Variants in LHFPL3 observed in about 807,000 individuals in gnomAD.
The protein encoded by LHFPL3 is LHFPL tetraspan subfamily member 3 protein.
LHFPL3 carries 5 observed loss-of-function variants against 19.3 expected under a neutral mutation model. The observed-to-expected ratio is 0.26, with a 90% CI of 0.14 to 0.54. The LOEUF is 0.54. LHFPL3 is among the 20% of genes least tolerant of loss of function. The probability of loss-of-function intolerance (pLI) is 0.94; values close to 1 mark genes in which losing one functional copy is unlikely to be tolerated. For missense variants in LHFPL3, 249 were observed against 307.4 expected, an observed-to-expected ratio of 0.81 and a Z score of 1.42; for synonymous variants, 133 against 126.2, an observed-to-expected ratio of 1.05 and a Z score of -0.36.
intron 1 of LHFPL3, among the ~76,000 whole-genome samples, chr7:104,355,015 T>C (rs897600821): frequency 2.0e-5 from 3 of 152,198 alleles, no homozygotes; most frequent in South Asian, 2.1e-4. Flanking sequence ...AGTGGTCAAA[T>C]TGAAATATAG....
At chr7:104,598,240 T>C (rs758737561) in intron 1 of LHFPL3, among the ~76,000 whole-genome samples, 1 of 152,154 alleles carries the variant, frequency 6.6e-6, no homozygotes, top group African/African-American at 2.4e-5. Flanking sequence ...GATATCTCGA[T>C]TGGTTCAGTT....
intron 1 of LHFPL3, among the ~76,000 whole-genome samples, chr7:104,496,795 G>C (rs560431944): frequency 6.6e-6 from 1 of 152,296 alleles, no homozygotes; most frequent in African/African-American, 2.4e-5. Flanking sequence ...ATCACTACCA[G>C]ATGTTAGGAG....
chr7:104,852,085 G>A (rs1167242746), intron 2 of LHFPL3, among the ~76,000 whole-genome samples: 1 of 151,832 alleles, frequency 6.6e-6, no homozygotes. Flanking sequence ...ATCCTGGAAA[G>A]CAGATACCCC....
At chr7:104,643,011 A>C (rs1791865111) in intron 1 of LHFPL3, among the ~76,000 whole-genome samples, 1 of 152,224 alleles carries the variant, frequency 6.6e-6, no homozygotes, top group South Asian at 2.1e-4. Context: ...TATTTGGCCA[A>C]GAATTTTTAA....
intron 1 of LHFPL3, among the ~76,000 whole-genome samples, chr7:104,532,318 C>CTTTTTTTTTTTTTTTTTTTTTTTTTTTTT (rs71155504): frequency 1.1e-5 from 1 of 87,230 alleles, no homozygotes; most frequent in Non-Finnish European, 2.1e-5. Flanking sequence ...TTCTTTCTGT[C>CTTTTTTTTTTTTTTTTTTTTTTTTTTTTT]TTTTTTTTTT....
chr7:104,732,702 G>A (rs1042836072), intron 1 of LHFPL3, among the ~76,000 whole-genome samples: 1 of 151,984 alleles, frequency 6.6e-6, no homozygotes, highest in African/African-American at 2.4e-5. Context: ...TTTTTTGAAG[G>A]GTTTTTTATG....
chr7:104,413,845 T>C (rs1005513154), intron 1 of LHFPL3, among the ~76,000 whole-genome samples: 7 of 152,252 alleles, frequency 4.6e-5, no homozygotes, highest in African/African-American at 1.7e-4. Context: ...GCGAAGCTTC[T>C]TATAGCTGGA....
chr7:104,651,938 C>T (rs902420678), intron 1 of LHFPL3, among the ~76,000 whole-genome samples: 50 of 152,210 alleles, frequency 3.3e-4, no homozygotes, highest in Non-Finnish European at 4.4e-4. Flanking sequence ...GCATGGTTTT[C>T]TGACCCATAA....
At chr7:104,357,532 A>G (rs1191396017) in intron 1 of LHFPL3, among the ~76,000 whole-genome samples, 1 of 152,202 alleles carries the variant, frequency 6.6e-6, no homozygotes, top group Non-Finnish European at 1.5e-5. Context: ...TCAGCATATT[A>G]TGTATTTAAG....
At chr7:104,743,982 C>G (rs909022845) in intron 2 of LHFPL3, 1 of 151,802 alleles carries the variant, frequency 6.6e-6, no homozygotes, top group African/African-American at 2.4e-5. Context: ...GGACCACAGG[C>G]ACACACCACC....
rs184553327 is a variant in LHFPL3, at chr7:104,440,206, A to T, written c.445+110982A>T. Among the ~76,000 whole-genome samples the T allele has an allele frequency of 1.1e-4, 16 of 151,908 alleles. No individual in the cohort carries two copies. The East Asian group carries it at 1.4e-3, about 13-fold the overall frequency. The stretch of plus-strand genomic sequence containing the variant: ...AATAAAAAAATACAAAGCCATACAC[A>T]TGTACACCATGAAATACTCTGCAGC... On this transcript the variant is annotated intron_variant, in intron 1 of 2. Transcript: ENST00000424859.
intron 2 of LHFPL3, among the ~76,000 whole-genome samples, chr7:104,883,279 T>A (rs1165535507): frequency 6.6e-6 from 1 of 152,188 alleles, no homozygotes; most frequent in Non-Finnish European, 1.5e-5. Flanking sequence ...ATTTCCAAAG[T>A]ATGTATCAAA....
intron 1 of LHFPL3, among the ~76,000 whole-genome samples, chr7:104,524,728 A>G (rs1794152032): frequency 6.6e-6 from 1 of 152,168 alleles, no homozygotes; most frequent in African/African-American, 2.4e-5. Context: ...AAAGACCAGG[A>G]AAAATGGAAA....
chr7:104,571,938 T>C (rs1790238213), intron 1 of LHFPL3, among the ~76,000 whole-genome samples: 1 of 152,196 alleles, frequency 6.6e-6, no homozygotes, highest in East Asian at 1.9e-4. Flanking sequence ...TTTTTAAGTA[T>C]GTAAAGTAGA....
chr7:104,606,501 G>A (rs186521341), intron 1 of LHFPL3, among the ~76,000 whole-genome samples: 8 of 152,166 alleles, frequency 5.3e-5, no homozygotes, highest in African/African-American at 1.7e-4. Context: ...CTTAGGTTTC[G>A]GTAAAAAGGT....
intron 2 of LHFPL3, among the ~76,000 whole-genome samples, chr7:104,813,753 C>G (rs1035762680): frequency 6.6e-6 from 1 of 152,212 alleles, no homozygotes; most frequent in East Asian, 1.9e-4. Context: ...AGAGGAGAAA[C>G]CCACAAGCAG....
chr7:104,384,760 C>A (rs1325943825), intron 1 of LHFPL3, among the ~76,000 whole-genome samples: 1 of 139,234 alleles, frequency 7.2e-6, no homozygotes, highest in Non-Finnish European at 1.5e-5. Context: ...GTACTCCAGC[C>A]TAGGCAACAA....
intron 2 of LHFPL3, among the ~76,000 whole-genome samples, chr7:104,769,644 G>A (rs900876310): frequency 6.8e-6 from 1 of 147,300 alleles, no homozygotes; most frequent in East Asian, 2.0e-4. Context: ...GGTGTGTGAT[G>A]TTCCCCTCCC....
intron 1 of LHFPL3, among the ~76,000 whole-genome samples, chr7:104,404,620 C>T (rs202094367): frequency 2.6e-5 from 4 of 152,156 alleles, no homozygotes; most frequent in African/African-American, 4.8e-5. Flanking sequence ...AGACACACTG[C>T]AGTAGTCCAA....
Sources: allele counts gnomAD v4.1 joint callset (sites outside exome capture counted in the v4.1 genomes callset), GRCh38; gene constraint gnomAD v4.1.1; transcripts MANE v1.5; gene names NCBI Gene and HGNC (gene_info 2026-07-23, HGNC 2026-07-21).